Variants in FRMD4A observed in about 807,000 individuals in gnomAD.
FRMD4A encodes FERM domain containing 4A.
FRMD4A carries 29 observed loss-of-function variants against 129.1 expected under a neutral mutation model. The observed-to-expected ratio is 0.22, with a 90% CI of 0.17 to 0.31. The LOEUF is 0.31. Among genes scored for constraint, FRMD4A ranks in the 10% least tolerant of loss-of-function variants. The pLI, the probability that FRMD4A is intolerant of heterozygous loss-of-function variation, is 1.00. For missense variants in FRMD4A, 1,272 were observed against 1,375.8 expected (o/e 0.92, Z 1.19); for synonymous variants, 634 against 571.6 (o/e 1.11, Z -1.56).
chr10:13,672,441 T>C (rs1479662377), intron 16 of FRMD4A, among the ~76,000 whole-genome samples: 2 of 152,172 alleles, frequency 1.3e-5, no homozygotes, highest in African/African-American at 2.4e-5. Context: ...TTTTTTTTTT[T>C]ACTTAGAAAA....
intron 2 of FRMD4A, among the ~76,000 whole-genome samples, chr10:14,119,094 G>T (rs1181377506): frequency 6.6e-6 from 1 of 152,094 alleles, no homozygotes; most frequent in Non-Finnish European, 1.5e-5. Context: ...GCCATGAGTG[G>T]TGCCAAGGAA....
chr10:14,061,751 C>T (rs1834825318), intron 2 of FRMD4A, among the ~76,000 whole-genome samples: 1 of 152,180 alleles, frequency 6.6e-6, no homozygotes, highest in Non-Finnish European at 1.5e-5. Flanking sequence ...CTTTTCTTCC[C>T]ATGGGCATTG....
At chr10:14,292,700 TG>T (rs1310856458) in intron 2 of FRMD4A, among the ~76,000 whole-genome samples, 14 of 152,032 alleles carry the variant, frequency 9.2e-5, no homozygotes, top group Non-Finnish European at 1.6e-4. Context: ...CTCAGGAGGC[TG>T]ACGCAGAAGA....
chr10:13,703,625 G>A (rs1431389292), intron 13 of FRMD4A, among the ~76,000 whole-genome samples: 3 of 152,182 alleles, frequency 2.0e-5, no homozygotes, highest in African/African-American at 7.2e-5. Context: ...CTAACGTGAG[G>A]CCAATCACAT....
intron 15 of FRMD4A, chr10:13,684,463 C>T: frequency 3.0e-6 from 3 of 985,350 alleles, no homozygotes; most frequent in Non-Finnish European, 3.6e-6. Context: ...CTCCAGACTC[C>T]AGCCGGGGAC....
chr10:14,022,009 T>C (rs904159238), intron 2 of FRMD4A, among the ~76,000 whole-genome samples: 1 of 152,096 alleles, frequency 6.6e-6, no homozygotes. Context: ...ACAGTAAAAA[T>C]ATACTAGTTA....
chr10:14,324,280 A>G (rs1843176766), intron 2 of FRMD4A, among the ~76,000 whole-genome samples: 2 of 152,234 alleles, frequency 1.3e-5, no homozygotes, highest in African/African-American at 4.8e-5. Context: ...TAATAGCAAG[A>G]TCTCAAAGAT....
chr10:14,252,757 T>C (rs1175786364), intron 2 of FRMD4A, among the ~76,000 whole-genome samples: 1 of 152,268 alleles, frequency 6.6e-6, no homozygotes, highest in Non-Finnish European at 1.5e-5. Context: ...TAAGGGGATA[T>C]ACTTTGAGAC....
intron 3 of FRMD4A, among the ~76,000 whole-genome samples, chr10:13,852,036 G>A (rs569948993): frequency 1.1e-3 from 167 of 151,888 alleles, no homozygotes; most frequent in African/African-American, 3.8e-3. Flanking sequence ...TTCATTATAT[G>A]TTACAATGTA....
intron 2 of FRMD4A, among the ~76,000 whole-genome samples, chr10:14,025,821 A>G (rs187763228): frequency 1.5e-3 from 236 of 152,266 alleles, no homozygotes; most frequent in African/African-American, 5.5e-3. Context: ...CACTTAGTGT[A>G]ATGTCCTCAA....
chr10:13,941,545 C>G (rs1274907770), intron 2 of FRMD4A, among the ~76,000 whole-genome samples: 5 of 152,074 alleles, frequency 3.3e-5, no homozygotes, highest in Non-Finnish European at 7.4e-5. Context: ...CAAAACAAAA[C>G]AGGGTAAGAG....
chr10:13,719,593 T>C (rs959494215), intron 12 of FRMD4A, among the ~76,000 whole-genome samples: 1 of 152,118 alleles, frequency 6.6e-6, no homozygotes, highest in Non-Finnish European at 1.5e-5. Flanking sequence ...AGGTTTACAT[T>C]TTCCGGAAGG....
chr10:13,742,168 C>CTAA (rs2135057415), intron 9 of FRMD4A, among the ~76,000 whole-genome samples: 1 of 152,178 alleles, frequency 6.6e-6, no homozygotes, highest in South Asian at 2.1e-4. Flanking sequence ...AATCCTAGTT[C>CTAA]TAATATAACA....
chr10:14,110,125 TAAAAAAAA>T lies in FRMD4A; in HGVS notation c.45+219925_45+219932del, dbSNP rs1554761010. 2.1e-4 allele frequency among the ~76,000 whole-genome samples: 19 copies of T among 89,558 alleles called. 1 individual carries two copies. Among genetic ancestry groups the T allele is most frequent in the African/African-American group, 8.8e-4 (19 of 21,528 alleles). The allele number at this position is 89,558 out of a possible 152,430, so 58.8% of individuals were successfully genotyped here. A position where few individuals can be genotyped will look rare whatever the true frequency, so the allele number is the denominator to read the frequency against. On this transcript the variant is annotated intron_variant, in intron 2 of 24. Coordinates refer to ENST00000357447, the MANE Select transcript of FRMD4A (RefSeq NM_018027.5). ...GGCTGGGCAACAAAGCGAGATGCTGTAAAAAAAAAAAAAAAAAAAAAAGCTCTTTTCTT... is the reference window on the plus strand; with the variant it reads ...GGCTGGGCAACAAAGCGAGATGCTGTAAAAAAAAAAAAAAGCTCTTTTCTT...
At chr10:14,098,378 T>G (rs1165972228) in intron 2 of FRMD4A, among the ~76,000 whole-genome samples, 1 of 151,188 alleles carries the variant, frequency 6.6e-6, no homozygotes, top group Non-Finnish European at 1.5e-5. Context: ...GAAATACTTC[T>G]GAATATGGTT....
chr10:14,301,871 G>A (rs923801108), intron 2 of FRMD4A, among the ~76,000 whole-genome samples: 2 of 152,072 alleles, frequency 1.3e-5, no homozygotes, highest in Non-Finnish European at 2.9e-5. Context: ...TGAAGAGTAG[G>A]CTGTATAACC....
At chr10:14,075,601 A>G (rs920192878) in intron 2 of FRMD4A, among the ~76,000 whole-genome samples, 1 of 152,250 alleles carries the variant, frequency 6.6e-6, no homozygotes, top group Non-Finnish European at 1.5e-5. Flanking sequence ...ATGAAAGCGT[A>G]AAGTTTCACT....
At chr10:13,971,222 G>A (rs2095516246) in intron 2 of FRMD4A, among the ~76,000 whole-genome samples, 2 of 152,214 alleles carry the variant, frequency 1.3e-5, no homozygotes, top group South Asian at 4.1e-4. Context: ...CGCACGGTTT[G>A]ATAAATCATC....
intron 21 of FRMD4A, among the ~76,000 whole-genome samples, chr10:13,657,927 G>A (rs1249589722): frequency 6.6e-6 from 1 of 151,648 alleles, no homozygotes; most frequent in Non-Finnish European, 1.5e-5. Flanking sequence ...AATTGCTTGA[G>A]CCTGGGAATT....
Sources: gnomAD v4.1 joint callset for allele counts (sites outside exome capture counted in the v4.1 genomes callset) on GRCh38, gnomAD v4.1.1 for gene constraint, MANE v1.5 for transcripts, NCBI Gene and HGNC (gene_info 2026-07-23, HGNC 2026-07-21) for gene names.